ERAS: variants seen among roughly 807,000 people sequenced by gnomAD.
ERAS encodes the protein GTPase ERas.
For missense variants in ERAS, 137 were observed against 199.2 expected (o/e 0.69, Z 1.88); for synonymous variants, 87 against 89.1 (o/e 0.98, Z 0.13).
chrX:48,827,046 C>T (rs939380282), intron 1 of ERAS, among the ~76,000 whole-genome samples: 1 of 112,452 alleles, frequency 8.9e-6, no homozygotes, highest in African/African-American at 3.2e-5. Context: ...GGGCCAGTGC[C>T]CTCGGCACGT....
At chrX:48,827,259 C>A (rs1272503726) in intron 1 of ERAS, among the ~76,000 whole-genome samples, 1 of 111,171 alleles carries the variant, frequency 9.0e-6, no homozygotes, top group Non-Finnish European at 1.9e-5. Context: ...CAGACCCCGA[C>A]TTAAGAGGCA....
At chrX:48,827,627 GC>G (rs1557032774) in intron 1 of ERAS, among the ~76,000 whole-genome samples, 2 of 111,951 alleles carry the variant, frequency 1.8e-5, no homozygotes, top group Non-Finnish European at 3.8e-5. Context: ...CCAAACTGCC[GC>G]TGCGCCAGGC....
At chrX:48,826,654 G>C (rs1199064980) in intron 1 of ERAS, 105 bp downstream of exon 1, 1 of 112,207 alleles carries the variant, frequency 8.9e-6, no homozygotes, top group African/African-American at 3.2e-5. Context: ...CGGGCGAGCG[G>C]CCCCTCACTC....
chrX:48,828,566 CCTT>C (rs1206881554), intron 1 of ERAS, among the ~76,000 whole-genome samples: 8 of 111,631 alleles, frequency 7.2e-5, no homozygotes, highest in Non-Finnish European at 1.1e-4. Context: ...AGAACATAAA[CCTT>C]CTGGGGGTGG....
chrX:48,827,559 C>T (rs1213551679), intron 1 of ERAS, among the ~76,000 whole-genome samples: 4 of 111,926 alleles, frequency 3.6e-5, no homozygotes, highest in Non-Finnish European at 7.5e-5. Flanking sequence ...TGGGACCTTG[C>T]CCCGACTCCG....
At chrX:48,827,773 C>T (rs185262367) in intron 1 of ERAS, among the ~76,000 whole-genome samples, 1 of 111,373 alleles carries the variant, frequency 9.0e-6, no homozygotes, top group African/African-American at 3.3e-5. Flanking sequence ...GACCACCTGC[C>T]GTGTGCCCAT....
At position 48,827,398 on chromosome X, in the gene ERAS, T is replaced by G. The variant is rs191904376; in HGVS notation, c.-44+849T>G. ...GCCCCTCCCCGCAGTCCTCCAGGTC[T>G]TCTTCCTGTCCCCAACCGTCGGGGA... On this transcript the variant is annotated intron_variant, in intron 1 of 1. Coordinates refer to ENST00000636362, the MANE Select transcript of ERAS (RefSeq NM_181532.3). Among the ~76,000 whole-genome samples, 604 of 111,341 alleles carry G rather than the reference T, an allele frequency of 5.4e-3. 8 individuals carry two copies. The highest frequency in any genetic ancestry group is 8.8e-3 in the Non-Finnish European group (464 of 52,874).
intron 1 of ERAS, among the ~76,000 whole-genome samples, chrX:48,827,022 C>T (rs1557032714): frequency 8.9e-6 from 1 of 112,528 alleles, no homozygotes; most frequent in Non-Finnish European, 1.9e-5. Context: ...GCGCCTCCCG[C>T]GGGCTGAGGC....
chrX:48,827,005 A>G lies in ERAS; in HGVS notation c.-44+456A>G, dbSNP rs930800400. Reference sequence around the variant, plus strand: ...GCCACTTGAGAGGACCGAGCCCCCAATCTCCGGCGCCTCCCGCGGGCTGAG... The same window carrying G: ...GCCACTTGAGAGGACCGAGCCCCCAGTCTCCGGCGCCTCCCGCGGGCTGAG... On this transcript the variant is annotated intron_variant, in intron 1 of 1. Coordinates refer to ENST00000636362, the MANE Select transcript of ERAS (RefSeq NM_181532.3). Among the ~76,000 whole-genome samples, 56 of 112,178 alleles carry G rather than the reference A, an allele frequency of 5.0e-4. 1 individual carries two copies. Among genetic ancestry groups the G allele is most frequent in the Middle Eastern group, 4.7e-3 (1 of 213 alleles).
intron 1 of ERAS, among the ~76,000 whole-genome samples, chrX:48,827,710 G>A (rs1407386135): frequency 8.9e-6 from 1 of 111,813 alleles, no homozygotes; most frequent in Non-Finnish European, 1.9e-5. Context: ...CAAGGACACC[G>A]AGGGGCATTC....
intron 1 of ERAS, chrX:48,828,873 C>A (rs782341405): frequency 1.1e-5 from 3 of 281,431 alleles, no homozygotes; most frequent in Non-Finnish European, 1.2e-5. Context: ...TGTTGATTCG[C>A]GTGAGGAGGG....
intron 1 of ERAS, among the ~76,000 whole-genome samples, chrX:48,828,139 G>A (rs782430560): frequency 9.5e-6 from 1 of 105,571 alleles, no homozygotes; most frequent in East Asian, 3.0e-4. Flanking sequence ...CGATTCTTCT[G>A]CCTCAGCCTC....
intron 1 of ERAS, among the ~76,000 whole-genome samples, chrX:48,826,808 C>T (rs2063160448): frequency 8.9e-6 from 1 of 112,106 alleles, no homozygotes; most frequent in African/African-American, 3.2e-5. Context: ...CTTCCGCACT[C>T]CGAGCTTTGC....
Position 48,829,545 on chromosome X carries a change from A to G in ERAS, c.422A>G (p.His141Arg), listed in dbSNP as rs1557033035. ...CAGATATGGGCCACCTGGGGCCCTCACCCCGCCCAGCCCCTTGTCCTCGTG... is the reference window on the plus strand; with the variant it reads ...CAGATATGGGCCACCTGGGGCCCTCGCCCCGCCCAGCCCCTTGTCCTCGTG... ...LQQIWATWGP[H>R]PAQPLVLVGN... Residue 141 changes from histidine to arginine, a missense_variant, in exon 2 of 2, where the codon CAC becomes CGC. By Grantham distance (29) the His-to-Arg change is conservative. Transcript: ENST00000636362. The G allele has an allele frequency of 8.3e-7, 1 of 1,211,132 alleles. No homozygotes were observed. Among genetic ancestry groups the G allele is most frequent in the Admixed American group, 2.2e-5 (1 of 46,040 alleles).
chrX:48,827,348 C>T (rs1172375375), intron 1 of ERAS, among the ~76,000 whole-genome samples: 19 of 111,183 alleles, frequency 1.7e-4, no homozygotes, highest in African/African-American at 5.6e-4. Context: ...AAGCCGACCT[C>T]TCCCTCCACG....
intron 1 of ERAS, among the ~76,000 whole-genome samples, chrX:48,828,005 A>G (rs782774730): frequency 8.1e-4 from 86 of 105,756 alleles, no homozygotes; most frequent in Non-Finnish European, 7.9e-4. Context: ...ATCACCCGCT[A>G]CTGACATATA....
intron 1 of ERAS, among the ~76,000 whole-genome samples, chrX:48,827,717 A>G (rs1478227755): frequency 8.9e-6 from 1 of 111,840 alleles, no homozygotes; most frequent in Non-Finnish European, 1.9e-5. Flanking sequence ...ACCGAGGGGC[A>G]TTCACTGAGT....
chrX:48,828,439 G>T (rs1337492469), intron 1 of ERAS, among the ~76,000 whole-genome samples: 1 of 112,336 alleles, frequency 8.9e-6, no homozygotes, highest in Non-Finnish European at 1.9e-5. Context: ...CACACAGTAG[G>T]TTCCCAATAA....
chrX:48,829,187 CA>C lies in ERAS; in HGVS notation c.65del (p.Gln22ArgfsTer36). On this transcript the variant is annotated frameshift_variant, in exon 2 of 2. Coordinates refer to ENST00000636362, the MANE Select transcript of ERAS (RefSeq NM_181532.3). LOFTEE classifies it low-confidence loss of function (END_TRUNC). ...CCTGGCCACATGGAGCCCTTCCTTCCAGGGGGAAACCCACCGGGCTCAGGCA... is the reference window on the plus strand; with the variant it reads ...CCTGGCCACATGGAGCCCTTCCTTCCGGGGGAAACCCACCGGGCTCAGGCA... ...LGLATWSPSF[Q>X]GETHRAQARR... 2 of 1,153,434 alleles carry C rather than the reference CA, an allele frequency of 1.7e-6. No individual in the cohort carries two copies. The highest frequency in any genetic ancestry group is 1.2e-6 in the Non-Finnish European group (1 of 866,102).
Sources: gnomAD v4.1 joint callset for allele counts (sites outside exome capture counted in the v4.1 genomes callset) on GRCh38, gnomAD v4.1.1 for gene constraint, MANE v1.5 for transcripts, NCBI Gene and HGNC (gene_info 2026-07-23, HGNC 2026-07-21) for gene names.